PARVA: variants seen among roughly 807,000 people sequenced by gnomAD.
PARVA encodes alpha-parvin.
A neutral mutation model predicts 52.6 loss-of-function variants in PARVA; 25 were observed. The observed-to-expected ratio is 0.48, with a 90% CI of 0.35 to 0.66. The LOEUF (loss-of-function observed/expected upper bound fraction) is 0.66. PARVA is among the 30% of genes least tolerant of loss of function. The pLI, the probability that PARVA is intolerant of heterozygous loss-of-function variation, is 0.01. For synonymous variants in PARVA, 185 were observed against 179.1 expected (o/e 1.03, Z -0.26); for missense variants, 373 against 450.9 (o/e 0.83, Z 1.56).
chr11:12,522,421 C>T (rs377267989), intron 12 of PARVA, among the ~76,000 whole-genome samples: 15 of 134,618 alleles, frequency 1.1e-4, no homozygotes, highest in African/African-American at 2.2e-4. Flanking sequence ...GAGCTTTATT[C>T]TTTTTTTTTT....
intron 1 of PARVA, among the ~76,000 whole-genome samples, chr11:12,417,507 C>T (rs903693679): frequency 1.3e-5 from 2 of 152,256 alleles, no homozygotes; most frequent in East Asian, 3.9e-4. Flanking sequence ...TTAACAGTGA[C>T]TACATCTGGA....
intron 4 of PARVA, among the ~76,000 whole-genome samples, chr11:12,485,581 T>C (rs1941147485): frequency 6.6e-6 from 1 of 152,232 alleles, no homozygotes; most frequent in African/African-American, 2.4e-5. Flanking sequence ...ATAGCAGTAT[T>C]GGATTATAAC....
rs1180380526 is a variant in PARVA, at chr11:12,443,169, C to CTTT, written c.137-30557_137-30555dup. Among the ~76,000 whole-genome samples, 95 of 78,318 alleles carry CTTT rather than the reference C, an allele frequency of 1.2e-3. 4 individuals carry two copies. The highest frequency in any genetic ancestry group is 2.0e-3 in the East Asian group (5 of 2,466). 51.4% of individuals were successfully genotyped at this position (78,318 alleles called of 152,430 possible). On this transcript the variant is annotated intron_variant, in intron 1 of 12. Transcript: ENST00000334956. ...AGCCACCATGCCCGGCGCCCCCCTT[C>CTTT]TTTTTTTTTTTTTTTTTTTTTGAGA...
chr11:12,517,233 C>T (rs1469181128), intron 10 of PARVA, among the ~76,000 whole-genome samples: 1 of 152,048 alleles, frequency 6.6e-6, no homozygotes, highest in African/African-American at 2.4e-5. Flanking sequence ...TCCATCAGAG[C>T]AGCTGTGCCT....
intron 1 of PARVA, among the ~76,000 whole-genome samples, chr11:12,431,971 G>C (rs942437274): frequency 2.0e-5 from 3 of 152,146 alleles, no homozygotes; most frequent in African/African-American, 7.2e-5. Context: ...TTTACACTGG[G>C]GTTGCTTGTC....
rs7929253 is a variant in PARVA at position 12,531,113 on chromosome 11, C to T, written c.*3188C>T. Among the ~76,000 whole-genome samples the T allele has an allele frequency of 7.8e-4, 119 of 152,256 alleles. 1 individual carries two copies. The highest frequency in any genetic ancestry group is 2.2e-3 in the Admixed American group (34 of 15,292). ...TAAGCATCACAAAGGTTACTACATA[C>T]GCTATAATACTGTACTATAAAGTCT... On this transcript the variant is annotated 3_prime_UTR_variant, in exon 13 of 13. Coordinates refer to ENST00000334956, the MANE Select transcript of PARVA (RefSeq NM_018222.5).
intron 1 of PARVA, among the ~76,000 whole-genome samples, chr11:12,464,281 GTTTT>G (rs1940825590): frequency 6.6e-6 from 1 of 152,160 alleles, no homozygotes; most frequent in African/African-American, 2.4e-5. Flanking sequence ...TTAAACATAA[GTTTT>G]TACTGATGTC....
At chr11:12,395,325 C>T (rs1035495056) in intron 1 of PARVA, among the ~76,000 whole-genome samples, 5 of 152,102 alleles carry the variant, frequency 3.3e-5, no homozygotes, top group African/African-American at 4.8e-5. Flanking sequence ...CTAAGAGCAC[C>T]GAATGTGTTT....
intron 1 of PARVA, among the ~76,000 whole-genome samples, chr11:12,446,427 C>G (rs1024988585): frequency 1.3e-5 from 2 of 152,106 alleles, no homozygotes; most frequent in Non-Finnish European, 2.9e-5. Flanking sequence ...TCCTAGAGAA[C>G]AGTGTGATGA....
intron 1 of PARVA, 69 bp downstream of exon 1, chr11:12,377,852 G>T (rs1010858792): frequency 1.6e-6 from 2 of 1,241,356 alleles, no homozygotes; most frequent in Admixed American, 8.1e-5. Context: ...AGGGGCCGGG[G>T]CACTGGGACC....
intron 12 of PARVA, among the ~76,000 whole-genome samples, chr11:12,525,542 T>A (rs1564871445): frequency 6.6e-6 from 1 of 152,052 alleles, no homozygotes; most frequent in Non-Finnish European, 1.5e-5. Flanking sequence ...TGGAGTAACT[T>A]CCTGGTATTT....
chr11:12,480,914 C>G (rs12786802), intron 4 of PARVA: 33,619 of 151,612 alleles, frequency 0.22, 4,483 homozygotes, highest in Middle Eastern at 0.31. Context: ...TTTTAACGAC[C>G]CTGTGAGTAT....
intron 12 of PARVA, among the ~76,000 whole-genome samples, chr11:12,523,677 G>A (rs955920733): frequency 6.6e-6 from 1 of 152,240 alleles, no homozygotes; most frequent in East Asian, 1.9e-4. Flanking sequence ...TTTATCTCTA[G>A]AGCCACCTCT....
intron 1 of PARVA, 77 bp from the exon 2 acceptor site, chr11:12,473,668 G>A (rs1399812518): frequency 1.3e-5 from 14 of 1,080,390 alleles, no homozygotes; most frequent in South Asian, 5.4e-5. Flanking sequence ...TGTCAATATC[G>A]AACACCCTTG....
At chr11:12,493,510 A>T (rs1941258346) in intron 4 of PARVA, among the ~76,000 whole-genome samples, 1 of 152,168 alleles carries the variant, frequency 6.6e-6, no homozygotes, top group South Asian at 2.1e-4. Context: ...AAGCATAATG[A>T]CTAAAATGGA....
intron 10 of PARVA, among the ~76,000 whole-genome samples, chr11:12,514,463 T>C (rs11824419): frequency 0.013 from 1,986 of 152,316 alleles, 29 homozygotes; most frequent in African/African-American, 0.045. Context: ...ATGAAATTGC[T>C]GACATTCGAC....
chr11:12,529,311 A>T lies in PARVA; in HGVS notation c.*1386A>T, dbSNP rs1941743530. 2.0e-5 allele frequency: 3 copies of T among 152,132 alleles called. No homozygotes were observed. Among genetic ancestry groups the T allele is most frequent in the Non-Finnish European group, 4.4e-5 (3 of 68,024 alleles). 9.4% of individuals were successfully genotyped at this position (152,132 alleles called of 1,614,324 possible). ...GTGTGCCAGCCTGCTAAGTCCTGTA[A>T]GAATAGGGAAGGGCGGAGGGGGGTG... On this transcript the variant is annotated 3_prime_UTR_variant, in exon 13 of 13. Coordinates refer to ENST00000334956, the MANE Select transcript of PARVA (RefSeq NM_018222.5).
intron 4 of PARVA, chr11:12,480,646 A>G (rs1019470220): frequency 6.6e-6 from 1 of 152,104 alleles, no homozygotes; most frequent in African/African-American, 2.4e-5. Context: ...AGATTAGATC[A>G]TTTCACATTT....
chr11:12,507,503 C>A (rs1941446634), intron 6 of PARVA, among the ~76,000 whole-genome samples: 2 of 152,314 alleles, frequency 1.3e-5, no homozygotes, highest in African/African-American at 2.4e-5. Context: ...CTGATGGCAG[C>A]TGCCCTCCCC....
Sources: gnomAD v4.1 joint callset for allele counts (sites outside exome capture counted in the v4.1 genomes callset) on GRCh38, gnomAD v4.1.1 for gene constraint, MANE v1.5 for transcripts, NCBI Gene and HGNC (gene_info 2026-07-23, HGNC 2026-07-21) for gene names.